The following GRM3 variants were observed in gnomAD, a reference collection of about 807,000 sequenced individuals.
GRM3 encodes metabotropic glutamate receptor 3.
A neutral mutation model predicts 70.5 loss-of-function variants in GRM3; 26 were observed. The ratio of observed to expected loss-of-function variants is 0.37; its 90% CI spans 0.27 to 0.51. The LOEUF (loss-of-function observed/expected upper bound fraction) is 0.51, where lower values mean the gene tolerates loss of function less well. Among genes scored for constraint, GRM3 ranks in the 20% least tolerant of loss-of-function variants. GRM3 has a pLI of 0.93. For synonymous variants in GRM3, 443 were observed against 434.9 expected, an observed-to-expected ratio of 1.02 and a Z score of -0.23; for missense variants, 859 against 1,123.8, an observed-to-expected ratio of 0.76 and a Z score of 3.37.
intron 1 of GRM3, among the ~76,000 whole-genome samples, chr7:86,659,585 A>G (rs558449409): frequency 5.1e-4 from 78 of 152,248 alleles, no homozygotes; most frequent in African/African-American, 1.8e-3. Context: ...AACAGTTGGA[A>G]TAACTGTCTC....
At chr7:86,861,114 A>T (rs907089808) in intron 5 of GRM3, among the ~76,000 whole-genome samples, 2 of 152,214 alleles carry the variant, frequency 1.3e-5, no homozygotes, top group Admixed American at 6.5e-5. Context: ...TCACAACCTG[A>T]GTCAGTTCTC....
intron 4 of GRM3, among the ~76,000 whole-genome samples, chr7:86,842,602 G>A (rs978755678): frequency 6.6e-6 from 1 of 152,150 alleles, no homozygotes; most frequent in Non-Finnish European, 1.5e-5. Context: ...GGTTCGGACA[G>A]AATTAGCAGC....
intron 3 of GRM3, among the ~76,000 whole-genome samples, chr7:86,793,943 G>A (rs1462083935): frequency 6.6e-6 from 1 of 152,008 alleles, no homozygotes; most frequent in Non-Finnish European, 1.5e-5. Context: ...ATACCACCTT[G>A]CTAGTCAGAA....
chr7:86,718,786 T>C (rs1363194361), intron 1 of GRM3, among the ~76,000 whole-genome samples: 8 of 151,954 alleles, frequency 5.3e-5, no homozygotes, highest in African/African-American at 1.9e-4. Flanking sequence ...GTACATTAAA[T>C]ACAGAAAGTT....
At chr7:86,838,151 C>T (rs542322125) in intron 3 of GRM3, among the ~76,000 whole-genome samples, 5 of 152,198 alleles carry the variant, frequency 3.3e-5, no homozygotes, top group South Asian at 4.2e-4. Flanking sequence ...TACGTAGATT[C>T]TACATACAGC....
intron 1 of GRM3, among the ~76,000 whole-genome samples, chr7:86,711,756 G>C (rs1291030123): frequency 1.3e-5 from 2 of 152,004 alleles, no homozygotes; most frequent in Non-Finnish European, 2.9e-5. Context: ...TGGTTTGCTG[G>C]ATTCATCTTT....
chr7:86,678,497 G>T (rs1794362387), intron 1 of GRM3, among the ~76,000 whole-genome samples: 2 of 152,030 alleles, frequency 1.3e-5, no homozygotes. Context: ...TCTTAAGGGT[G>T]ATTCCACGGT....
chr7:86,838,271 CAG>C (rs1410348174), intron 3 of GRM3, among the ~76,000 whole-genome samples: 3 of 152,126 alleles, frequency 2.0e-5, no homozygotes, highest in African/African-American at 7.2e-5. Flanking sequence ...ATTAAACTAT[CAG>C]AGTTGAAGTA....
At chr7:86,665,317 C>T (rs1398929597) in intron 1 of GRM3, among the ~76,000 whole-genome samples, 2 of 151,922 alleles carry the variant, frequency 1.3e-5, no homozygotes, top group Non-Finnish European at 2.9e-5. Flanking sequence ...ATACTATCTA[C>T]CTCACAATGT....
intron 2 of GRM3, among the ~76,000 whole-genome samples, chr7:86,769,075 C>T (rs527394605): frequency 3.3e-5 from 5 of 152,066 alleles, no homozygotes; most frequent in African/African-American, 7.2e-5. Context: ...TTTACACTAA[C>T]GAGGGAAACA....
chr7:86,821,614 G>A (rs914011636), intron 3 of GRM3, among the ~76,000 whole-genome samples: 2 of 152,148 alleles, frequency 1.3e-5, no homozygotes, highest in Admixed American at 6.6e-5. Context: ...GACTCCAGGG[G>A]AAAATGATGC....
At chr7:86,713,268 T>C (rs1795240485) in intron 1 of GRM3, among the ~76,000 whole-genome samples, 1 of 152,110 alleles carries the variant, frequency 6.6e-6, no homozygotes, top group African/African-American at 2.4e-5. Context: ...TAGCCTTTTG[T>C]ATGTCTTCTT....
intron 1 of GRM3, among the ~76,000 whole-genome samples, chr7:86,730,189 G>A (rs1409548746): frequency 4.6e-5 from 7 of 152,114 alleles, no homozygotes; most frequent in Non-Finnish European, 1.0e-4. Context: ...AGGAGGCCGA[G>A]GCAGGCAGAT....
intron 1 of GRM3, among the ~76,000 whole-genome samples, chr7:86,695,189 T>C (rs763057855): frequency 1.3e-5 from 2 of 152,156 alleles, no homozygotes; most frequent in African/African-American, 2.4e-5. Context: ...CAATGAACTG[T>C]GGTAGATTAA....
chr7:86,701,580 C>T (rs1225319061), intron 1 of GRM3, among the ~76,000 whole-genome samples: 4 of 151,874 alleles, frequency 2.6e-5, no homozygotes, highest in East Asian at 3.9e-4. Flanking sequence ...GTGAATCATC[C>T]ATAATTTGCC....
intron 3 of GRM3, among the ~76,000 whole-genome samples, chr7:86,832,245 C>CTTTTTTTTT (rs371453726): frequency 8.9e-6 from 1 of 112,332 alleles, no homozygotes; most frequent in African/African-American, 3.9e-5. Flanking sequence ...TGCTTGTAGC[C>CTTTTTTTTT]TTTTTTTTTT....
chr7:86,673,071 G>T (rs1331153133), intron 1 of GRM3, among the ~76,000 whole-genome samples: 1 of 151,986 alleles, frequency 6.6e-6, no homozygotes, highest in African/African-American at 2.4e-5. Flanking sequence ...CAGGTTTAGG[G>T]CTCCAGGTGA....
chr7:86,748,696 T>G (rs977762191), intron 1 of GRM3, among the ~76,000 whole-genome samples: 1 of 151,976 alleles, frequency 6.6e-6, no homozygotes, highest in Non-Finnish European at 1.5e-5. Flanking sequence ...GAGTGGCTAT[T>G]TAGAGAATGG....
intron 1 of GRM3, among the ~76,000 whole-genome samples, chr7:86,685,135 A>G (rs2115990945): frequency 6.6e-6 from 1 of 152,338 alleles, no homozygotes; most frequent in South Asian, 2.1e-4. Context: ...TCCATCCTCA[A>G]TTAATGAACT....
Sources: allele counts gnomAD v4.1 joint callset (sites outside exome capture counted in the v4.1 genomes callset), GRCh38; gene constraint gnomAD v4.1.1; transcripts MANE v1.5; gene names NCBI Gene and HGNC (gene_info 2026-07-23, HGNC 2026-07-21).